The following MAML3 variants were observed in gnomAD, a reference collection of about 807,000 sequenced individuals.
MAML3 encodes the protein mastermind like transcriptional coactivator 3.
MAML3 carries 27 observed loss-of-function variants against 101.9 expected under a neutral mutation model. That is an observed-to-expected ratio of 0.27 (90% CI 0.20 to 0.37). The LOEUF is 0.37. Among genes scored for constraint, MAML3 ranks in the 10% least tolerant of loss-of-function variants. MAML3 has a pLI of 1.00. For missense variants in MAML3, 1,316 were observed against 1,444.9 expected, an observed-to-expected ratio of 0.91 and a Z score of 1.45; for synonymous variants, 501 against 555.9, an observed-to-expected ratio of 0.90 and a Z score of 1.39.
chr4:139,805,525 T>TA (rs1490338904), intron 2 of MAML3, among the ~76,000 whole-genome samples: 2 of 152,144 alleles, frequency 1.3e-5, no homozygotes, highest in Non-Finnish European at 2.9e-5. Flanking sequence ...ACACTTGAGT[T>TA]ACCCAAGAAT....
rs115838173 is a variant in MAML3, at chr4:139,880,500, A to T, written c.2079+8857T>A. On this transcript the variant is annotated intron_variant, in intron 2 of 4. Transcript: ENST00000509479. The stretch of plus-strand genomic sequence containing the variant: ...GGCCAGGTACTACTGGCTTAGTCAG[A>T]GTCATGAACCTAAACTGTTTTCATA... 1.3e-3 allele frequency among the ~76,000 whole-genome samples: 203 copies of T among 152,228 alleles called. 1 individual carries two copies. In the Middle Eastern group the frequency reaches 0.02, roughly 15 times the overall value.
At chr4:140,030,112 T>C (rs1398416260) in intron 1 of MAML3, among the ~76,000 whole-genome samples, 3 of 152,160 alleles carry the variant, frequency 2.0e-5, no homozygotes, top group Non-Finnish European at 4.4e-5. Context: ...CTGTGTCTTA[T>C]TTCCCTTCTA....
At chr4:139,998,277 T>C (rs890644742) in intron 1 of MAML3, among the ~76,000 whole-genome samples, 2 of 152,216 alleles carry the variant, frequency 1.3e-5, no homozygotes, top group Non-Finnish European at 2.9e-5. Flanking sequence ...AATATGCTGT[T>C]GGACCACCTA....
At chr4:140,084,940 G>A (rs115766896) in intron 1 of MAML3, among the ~76,000 whole-genome samples, 2,374 of 152,064 alleles carry the variant, frequency 0.016, 50 homozygotes, top group African/African-American at 0.054. Context: ...ACATCGGGGG[G>A]CGGCAGGGGA....
intron 1 of MAML3, among the ~76,000 whole-genome samples, chr4:140,086,856 C>T (rs545418583): frequency 1.3e-5 from 2 of 152,296 alleles, no homozygotes. Flanking sequence ...CTATTGCTCA[C>T]TTTGAAAAAA....
intron 1 of MAML3, among the ~76,000 whole-genome samples, chr4:140,122,776 A>G (rs1374566065): frequency 1.5e-5 from 2 of 130,122 alleles, no homozygotes; most frequent in African/African-American, 5.9e-5. Context: ...TGGGCGACAG[A>G]GCGAGACTCC....
intron 2 of MAML3, among the ~76,000 whole-genome samples, chr4:139,856,231 C>T (rs976108761): frequency 1.1e-4 from 16 of 152,194 alleles, no homozygotes; most frequent in African/African-American, 3.9e-4. Context: ...GGATCTTATG[C>T]AAAGTGTATA....
At chr4:140,022,715 T>C (rs1268123015) in intron 1 of MAML3, among the ~76,000 whole-genome samples, 11 of 152,208 alleles carry the variant, frequency 7.2e-5, no homozygotes, top group African/African-American at 2.2e-4. Context: ...GAATTGAGAA[T>C]AGACAAAATA....
intron 1 of MAML3, among the ~76,000 whole-genome samples, chr4:140,104,674 G>A (rs1053655975): frequency 1.3e-5 from 2 of 150,326 alleles, no homozygotes; most frequent in Non-Finnish European, 3.0e-5. Flanking sequence ...TGTGTTTTTT[G>A]TGGAGATGAG....
intron 1 of MAML3, among the ~76,000 whole-genome samples, chr4:139,938,284 A>G (rs1442259233): frequency 1.3e-5 from 2 of 152,222 alleles, no homozygotes; most frequent in Non-Finnish European, 2.9e-5. Flanking sequence ...CGCACAGAGT[A>G]TCCTACAAGT....
chr4:139,971,863 C>T (rs1032230787), intron 1 of MAML3, among the ~76,000 whole-genome samples: 6 of 152,096 alleles, frequency 3.9e-5, no homozygotes, highest in Non-Finnish European at 7.4e-5. Flanking sequence ...TGGAATGGAC[C>T]TTTCTCATGG....
intron 1 of MAML3, among the ~76,000 whole-genome samples, chr4:140,128,985 G>A (rs1160956934): frequency 2.0e-5 from 3 of 152,208 alleles, no homozygotes; most frequent in Admixed American, 6.5e-5. Context: ...AACATCGAGA[G>A]GTCATCAGAG....
chr4:139,880,720 G>A (rs1732201585), intron 2 of MAML3, among the ~76,000 whole-genome samples: 2 of 152,162 alleles, frequency 1.3e-5, no homozygotes, highest in Non-Finnish European at 2.9e-5. Flanking sequence ...AGCCAAAAGT[G>A]TTAGAAACAA....
At chr4:139,805,171 C>T (rs879540470) in intron 2 of MAML3, among the ~76,000 whole-genome samples, 13 of 151,912 alleles carry the variant, frequency 8.6e-5, no homozygotes, top group Non-Finnish European at 1.8e-4. Flanking sequence ...GCAACAAGAG[C>T]GAAAATCCGT....
chr4:140,119,321 G>T (rs1728565479), intron 1 of MAML3, among the ~76,000 whole-genome samples: 1 of 152,108 alleles, frequency 6.6e-6, no homozygotes, highest in South Asian at 2.1e-4. Context: ...ACTTCAGGAG[G>T]CATGAAAGGA....
chr4:140,018,666 G>A (rs1329919314), intron 1 of MAML3, among the ~76,000 whole-genome samples: 1 of 152,094 alleles, frequency 6.6e-6, no homozygotes, highest in Non-Finnish European at 1.5e-5. Flanking sequence ...CAGGTACTTT[G>A]CAGTTAGAGA....
intron 4 of MAML3, among the ~76,000 whole-genome samples, chr4:139,725,473 A>G (rs1728430324): frequency 1.3e-5 from 2 of 152,174 alleles, no homozygotes; most frequent in African/African-American, 4.8e-5. Flanking sequence ...TTGGTAAAGA[A>G]CAGCTGTTCT....
intron 1 of MAML3, among the ~76,000 whole-genome samples, chr4:139,926,521 A>AT (rs1433855133): frequency 6.6e-6 from 1 of 152,182 alleles, no homozygotes; most frequent in African/African-American, 2.4e-5. Context: ...AATTGCTTCA[A>AT]CCTGGGAGGC....
chr4:140,109,147 G>T (rs1728400254), intron 1 of MAML3, among the ~76,000 whole-genome samples: 1 of 152,102 alleles, frequency 6.6e-6, no homozygotes. Flanking sequence ...TAAAAGAGAA[G>T]AGACTAAGAA....
Sources: allele counts gnomAD v4.1 joint callset (sites outside exome capture counted in the v4.1 genomes callset), GRCh38; gene constraint gnomAD v4.1.1; transcripts MANE v1.5; gene names NCBI Gene and HGNC (gene_info 2026-07-23, HGNC 2026-07-21).